The following XKR3 variants were observed in gnomAD, a reference collection of about 807,000 sequenced individuals.
XKR3 encodes XK related 3, also known as XK-related protein 3.
A neutral mutation model predicts 40.3 loss-of-function variants in XKR3; 27 were observed. That is an observed-to-expected ratio of 0.67 (90% CI 0.49 to 0.92). XKR3 has a LOEUF of 0.92. Ranked by LOEUF, XKR3 falls within the 40% of genes least tolerant of loss-of-function variation. The probability of loss-of-function intolerance (pLI) is 0.00; values close to 1 mark genes in which losing one functional copy is unlikely to be tolerated. For synonymous variants in XKR3, 193 were observed against 195.4 expected, an observed-to-expected ratio of 0.99 and a Z score of 0.10; for missense variants, 472 against 537.6, an observed-to-expected ratio of 0.88 and a Z score of 1.21.
chr22:16,785,243 G>A (rs2060085138), intron 3 of XKR3, among the ~76,000 whole-genome samples: 1 of 152,102 alleles, frequency 6.6e-6, no homozygotes, highest in South Asian at 2.1e-4. Flanking sequence ...CATGAACCCG[G>A]GAGGCGGAGC....
rs2060078045 is a variant in XKR3, at chr22:16,784,018, C to T, written c.981G>A (p.Leu327=). The change falls in exon 4 of 4, where the codon CTG becomes CTA. Residue 327 remains leucine, a synonymous_variant. Coordinates refer to ENST00000684488, the MANE Select transcript of XKR3 (RefSeq NM_001386955.1). ...INFSCWSAVK[L]QLSDDKIIDG... is the part of the protein sequence containing the mutation. ...CAATTATTTTGTCATCTGACAACTGCAGTTTCACTGCTGACCAGCAGGAGA... is the reference window on the plus strand; with the variant it reads ...CAATTATTTTGTCATCTGACAACTGTAGTTTCACTGCTGACCAGCAGGAGA... 10 of 1,614,112 alleles carry T rather than the reference C, an allele frequency of 6.2e-6. No homozygotes were observed. In the Admixed American group the frequency reaches 6.7e-5, roughly 11 times the overall value.
chr22:16,791,071 C>A (rs1329483512), intron 3 of XKR3, among the ~76,000 whole-genome samples: 2 of 152,042 alleles, frequency 1.3e-5, no homozygotes, highest in African/African-American at 2.4e-5. Context: ...GGAATTGAAT[C>A]CAGTATGTTG....
chr22:16,786,467 A>T (rs2060091429), intron 3 of XKR3, among the ~76,000 whole-genome samples: 1 of 152,138 alleles, frequency 6.6e-6, no homozygotes, highest in Admixed American at 6.5e-5. Context: ...CATCCCGACA[A>T]CAGATGAGAA....
intron 1 of XKR3, among the ~76,000 whole-genome samples, chr22:16,816,707 T>G (rs2060235356): frequency 6.6e-6 from 1 of 152,026 alleles, no homozygotes; most frequent in African/African-American, 2.4e-5. Flanking sequence ...TAATATCCAG[T>G]GTAGAATTTA....
intron 2 of XKR3, among the ~76,000 whole-genome samples, chr22:16,807,376 C>T (rs62227215): frequency 0.014 from 2,070 of 152,224 alleles, 24 homozygotes; most frequent in Non-Finnish European, 0.02. Flanking sequence ...TCAAGTCTTT[C>T]TCTCTTCTCA....
rs1271526080 is a variant in XKR3, at chr22:16,825,300, T to C, written c.-20A>G. 1.3e-5 allele frequency among the ~76,000 whole-genome samples: 2 copies of C among 152,206 alleles called. No individual in the cohort carries two copies. Among genetic ancestry groups the C allele is most frequent in the Admixed American group, 1.3e-4 (2 of 15,278 alleles). ...GGCTGCTCCTACTTACCTTGCCTAT[T>C]TGCCACCCTCACAGTTTTGAAACTC... On this transcript the variant is annotated 5_prime_UTR_variant, in exon 1 of 4. Coordinates refer to ENST00000684488, the MANE Select transcript of XKR3 (RefSeq NM_001386955.1).
At chr22:16,811,532 G>C (rs2060212518) in intron 1 of XKR3, among the ~76,000 whole-genome samples, 1 of 152,120 alleles carries the variant, frequency 6.6e-6, no homozygotes, top group Admixed American at 6.5e-5. Context: ...TAAGTAATTT[G>C]ACTTGATTCT....
At chr22:16,821,967 C>T (rs1468605961) in intron 1 of XKR3, among the ~76,000 whole-genome samples, 1 of 151,966 alleles carries the variant, frequency 6.6e-6, no homozygotes, top group Non-Finnish European at 1.5e-5. Flanking sequence ...ATTTTAAAAT[C>T]ACTATTAAAA....
At chr22:16,809,861 C>T (rs2060205760) in intron 1 of XKR3, among the ~76,000 whole-genome samples, 2 of 152,122 alleles carry the variant, frequency 1.3e-5, no homozygotes, top group Non-Finnish European at 2.9e-5. Context: ...CAAGCTCAAG[C>T]GATCTTTCCA....
chr22:16,800,174 G>T, intron 2 of XKR3, 150 bp from the exon 3 acceptor site: 2 of 852,286 alleles, frequency 2.3e-6, no homozygotes, highest in South Asian at 1.9e-5. Context: ...TAAAAAATAA[G>T]TTTCTAACAG....
rs1250920792 is a variant in XKR3, at chr22:16,784,167, C to T, written c.832G>A (p.Ala278Thr). The T allele has an allele frequency of 6.2e-7, 1 of 1,614,166 alleles. No individual in the cohort carries two copies. The highest frequency in any genetic ancestry group is 8.5e-7 in the Non-Finnish European group (1 of 1,180,040). Residue 278 changes from alanine (A) to threonine (T), a missense_variant, in exon 4 of 4, where the codon GCA (alanine) becomes ACA (threonine). Transcript: ENST00000684488. ...CTTTTCCAAAACTCCAGCCACGGTG[C>T]CAACAATGATACAAAATATATGATT... Reference protein sequence around the residue: ...LLIIYFVSLLAPWLEFWKSGA... With the variant: ...LLIIYFVSLLTPWLEFWKSGA...
intron 1 of XKR3, among the ~76,000 whole-genome samples, chr22:16,811,827 T>TAACATGTTTAGTA (rs2060214137): frequency 1.3e-5 from 2 of 152,014 alleles, no homozygotes; most frequent in East Asian, 3.9e-4. Context: ...GCTAACATGG[T>TAACATGTTTAGTA]GAAACCCTGT....
intron 3 of XKR3, among the ~76,000 whole-genome samples, chr22:16,799,344 G>A (rs987329747): frequency 2.1e-5 from 3 of 144,156 alleles, no homozygotes; most frequent in African/African-American, 7.8e-5. Flanking sequence ...AACCTGGGAG[G>A]CGGAGCTTGC....
chr22:16,811,316 G>A (rs2060211774), intron 1 of XKR3, among the ~76,000 whole-genome samples: 1 of 151,790 alleles, frequency 6.6e-6, no homozygotes, highest in African/African-American at 2.4e-5. Flanking sequence ...AGTAGAGATG[G>A]GGTTTTGCCA....
chr22:16,784,222 A>G lies in XKR3; in HGVS notation c.777T>C (p.Ser259=). The change falls in exon 4 of 4, where the codon TCT becomes TCC. Residue 259 remains serine (S), a synonymous_variant. Transcript: ENST00000684488. ...AAACGGGTAGGCTCTTCAGTTTCAG[A>G]GATGCAATGAAAAATGCCAGAGTCA... ...RVVTLAFFIA[S]LKLKSLPVLL... is the part of the protein sequence containing the mutation. 1 of 1,614,210 alleles carries G rather than the reference A, an allele frequency of 6.2e-7. No homozygotes were observed. The highest frequency in any genetic ancestry group is 1.3e-5 in the African/African-American group (1 of 75,054).
chr22:16,801,801 CA>C (rs1311376877), intron 2 of XKR3, among the ~76,000 whole-genome samples: 1 of 151,780 alleles, frequency 6.6e-6, no homozygotes, highest in Non-Finnish European at 1.5e-5. Context: ...AAGGTCAGTG[CA>C]AAATATTATT....
intron 1 of XKR3, among the ~76,000 whole-genome samples, chr22:16,808,392 C>T (rs2060199485): frequency 1.3e-5 from 2 of 152,104 alleles, no homozygotes; most frequent in African/African-American, 4.8e-5. Context: ...AAGAAATGTT[C>T]ATTACTCATA....
At chr22:16,818,535 A>G (rs1028024099) in intron 1 of XKR3, among the ~76,000 whole-genome samples, 1 of 152,112 alleles carries the variant, frequency 6.6e-6, no homozygotes, top group Non-Finnish European at 1.5e-5. Context: ...CTAACTACAA[A>G]CAACTACACA....
intron 2 of XKR3, among the ~76,000 whole-genome samples, chr22:16,803,988 G>T (rs1010353351): frequency 6.6e-6 from 1 of 152,088 alleles, no homozygotes; most frequent in Non-Finnish European, 1.5e-5. Flanking sequence ...TCTGGATCAG[G>T]ACCACTTTCC....
Sources: allele counts gnomAD v4.1 joint callset (sites outside exome capture counted in the v4.1 genomes callset), GRCh38; gene constraint gnomAD v4.1.1; transcripts MANE v1.5; gene names NCBI Gene and HGNC (gene_info 2026-07-23, HGNC 2026-07-21).